The following DENND4C variants were observed in gnomAD, a reference collection of about 807,000 sequenced individuals.
DENND4C encodes DENN domain-containing protein 4C.
DENND4C carries 108 observed loss-of-function variants against 203.0 expected under a neutral mutation model. The observed-to-expected ratio is 0.53, with a 90% CI of 0.46 to 0.62. The LOEUF is 0.62. Among genes scored for constraint, DENND4C ranks in the 20% least tolerant of loss-of-function variants. DENND4C has a pLI of 0.00. For synonymous variants in DENND4C, 871 were observed against 792.4 expected (o/e 1.10, Z -1.67); for missense variants, 2,481 against 2,301.2 (o/e 1.08, Z -1.60).
At chr9:19,354,901 C>G (rs1256690187) in intron 26 of DENND4C, among the ~76,000 whole-genome samples, 1 of 146,884 alleles carries the variant, frequency 6.8e-6, no homozygotes, top group Admixed American at 6.8e-5. Flanking sequence ...TTTTTTTTTT[C>G]TTTTTTGGCT....
intron 23 of DENND4C, 137 bp downstream of exon 23, chr9:19,347,223 T>A: frequency 1.2e-6 from 1 of 812,230 alleles, no homozygotes; most frequent in Middle Eastern, 3.6e-4. Flanking sequence ...GTCTGCAACC[T>A]CTGCCTCCCG....
At position 19,296,189 on chromosome 9, in the gene DENND4C, T is replaced by C; in HGVS notation, c.983T>C (p.Phe328Ser). 3.1e-6 allele frequency: 5 copies of C among 1,613,898 alleles called. No individual in the cohort carries two copies. The South Asian group carries it at 3.3e-5, about 11-fold the overall frequency. Residue 328 changes from phenylalanine to serine, a missense_variant, in exon 6 of 33, where the codon TTT becomes TCT. Physicochemically the swap from Phe to Ser is radical, Grantham distance 155. Coordinates refer to ENST00000434457, the MANE Select transcript of DENND4C (RefSeq NM_001330640.2). ...CCTTTTTTTGAAGCTTTTAGGAAAT[T>C]TCTTATGTTTATCTACAAACTTTCT... ...HWPFFEAFRK[F>S]LMFIYKLSVS...
At position 19,364,512 on chromosome 9, in the gene DENND4C, A is replaced by G. The variant is rs574096180; in HGVS notation, c.5524+2549A>G. ...TCTTTTGAGACAGGGTCATGTCTCT[A>G]TCTAGCACCCTGCTCATAAAGCAGG... On this transcript the variant is annotated intron_variant, in intron 30 of 32. Transcript: ENST00000434457. 7.7e-4 allele frequency among the ~76,000 whole-genome samples: 117 copies of G among 152,250 alleles called. 2 individuals are homozygous for G. The South Asian group carries it at 0.022, about 29-fold the overall frequency.
At chr9:19,237,736 C>CT (rs1189529326) in intron 1 of DENND4C, among the ~76,000 whole-genome samples, 1 of 152,098 alleles carries the variant, frequency 6.6e-6, no homozygotes, top group African/African-American at 2.4e-5. Context: ...CCTTTTTTTC[C>CT]TGCCTATTGC....
intron 20 of DENND4C, among the ~76,000 whole-genome samples, chr9:19,340,371 C>G (rs1775869183): frequency 1.3e-5 from 2 of 152,126 alleles, no homozygotes; most frequent in African/African-American, 4.8e-5. Flanking sequence ...TTAGTCCTCC[C>G]CTGGCCCTTT....
At chr9:19,257,215 G>T (rs1226386254) in intron 1 of DENND4C, among the ~76,000 whole-genome samples, 2 of 151,836 alleles carry the variant, frequency 1.3e-5, no homozygotes, top group Non-Finnish European at 2.9e-5. Context: ...AGAAGGCCGG[G>T]TGCGGTGGCT....
intron 1 of DENND4C, among the ~76,000 whole-genome samples, chr9:19,251,459 C>T (rs1342494987): frequency 1.3e-5 from 2 of 152,226 alleles, no homozygotes; most frequent in South Asian, 2.1e-4. Flanking sequence ...GAGACATTTT[C>T]CCCCTCTGTC....
At chr9:19,311,561 C>T (rs1216306070) in intron 10 of DENND4C, among the ~76,000 whole-genome samples, 1 of 152,010 alleles carries the variant, frequency 6.6e-6, no homozygotes, top group Non-Finnish European at 1.5e-5. Flanking sequence ...TGAAAGAGTT[C>T]CTAGAAATTG....
chr9:19,320,444 C>T (rs933632725), intron 12 of DENND4C, among the ~76,000 whole-genome samples: 10 of 152,188 alleles, frequency 6.6e-5, no homozygotes, highest in Non-Finnish European at 1.5e-5. Flanking sequence ...GGTGATCTGC[C>T]TGCCTCGGCC....
intron 1 of DENND4C, among the ~76,000 whole-genome samples, chr9:19,250,333 A>ACT: frequency 6.6e-6 from 1 of 152,212 alleles, no homozygotes; most frequent in African/African-American, 2.4e-5. Flanking sequence ...AATCCCAGCT[A>ACT]CATGGGAGGC....
intron 2 of DENND4C, among the ~76,000 whole-genome samples, chr9:19,280,140 G>GCCTTCTTC (rs1554717096): frequency 6.7e-6 from 1 of 149,222 alleles, no homozygotes; most frequent in African/African-American, 2.5e-5. Flanking sequence ...CTACCTGCCT[G>GCCTTCTTC]CCTTCCTCCC....
intron 2 of DENND4C, among the ~76,000 whole-genome samples, chr9:19,277,380 T>A (rs1435166721): frequency 5.9e-5 from 9 of 152,184 alleles, no homozygotes; most frequent in Non-Finnish European, 1.3e-4. Context: ...ACATTGTGTA[T>A]TTTTTAAATC....
intron 9 of DENND4C, among the ~76,000 whole-genome samples, chr9:19,303,909 CACTCTGTT>C (rs1246072184): frequency 6.6e-6 from 1 of 150,764 alleles, no homozygotes; most frequent in Non-Finnish European, 1.5e-5. Flanking sequence ...ATGAGGGTCT[CACTCTGTT>C]GTCCAGGCTG....
intron 1 of DENND4C, among the ~76,000 whole-genome samples, chr9:19,266,995 G>GT (rs570105701): frequency 3.3e-5 from 5 of 151,854 alleles, no homozygotes; most frequent in South Asian, 4.2e-4. Flanking sequence ...TTTCAGTTTT[G>GT]TTTTTTTTAA....
intron 7 of DENND4C, 57 bp downstream of exon 7, chr9:19,298,179 G>A (rs939741728): frequency 2.6e-5 from 38 of 1,480,690 alleles, no homozygotes; most frequent in African/African-American, 8.3e-5. Flanking sequence ...CTGAGTCATT[G>A]CAGAGTGGAT....
chr9:19,281,046 T>C (rs964625986), intron 2 of DENND4C, among the ~76,000 whole-genome samples: 2 of 152,172 alleles, frequency 1.3e-5, no homozygotes, highest in Non-Finnish European at 1.5e-5. Flanking sequence ...GGGCCAGTCG[T>C]CTTTTAGAGT....
chr9:19,285,605 T>A (rs1029799574), intron 2 of DENND4C, among the ~76,000 whole-genome samples: 9 of 150,910 alleles, frequency 6.0e-5, no homozygotes, highest in African/African-American at 2.2e-4. Flanking sequence ...TTAACATGTT[T>A]AGCTGCTTGT....
At chr9:19,268,648 G>T (rs1231285804) in intron 1 of DENND4C, among the ~76,000 whole-genome samples, 1 of 151,946 alleles carries the variant, frequency 6.6e-6, no homozygotes, top group African/African-American at 2.4e-5. Flanking sequence ...GCTTTTGTTT[G>T]TTTGGGAAAG....
Position 19,316,859 on chromosome 9 carries a change from C to A in DENND4C, c.1807+20C>A. 1 of 1,577,170 alleles carries A rather than the reference C, an allele frequency of 6.3e-7. No individual in the cohort carries two copies. The highest frequency in any genetic ancestry group is 1.9e-5 in the Admixed American group (1 of 53,826). On this transcript the variant is annotated intron_variant, in intron 12 of 32. Transcript: ENST00000434457. Reference sequence around the variant, plus strand: ...GACAGGGTGAGTAGCATTGAAAGTACAATTCCTTTTATTGAGGTGAAAAAT... The same window carrying A: ...GACAGGGTGAGTAGCATTGAAAGTAAAATTCCTTTTATTGAGGTGAAAAAT...
Sources: gnomAD v4.1 joint callset for allele counts (sites outside exome capture counted in the v4.1 genomes callset) on GRCh38, gnomAD v4.1.1 for gene constraint, MANE v1.5 for transcripts, NCBI Gene and HGNC (gene_info 2026-07-23, HGNC 2026-07-21) for gene names.